Variants in EMILIN3 observed in about 807,000 individuals in gnomAD.
EMILIN3 encodes EMILIN-3.
EMILIN3 carries 38 observed loss-of-function variants against 42.8 expected under a neutral mutation model. The ratio of observed to expected loss-of-function variants is 0.89; its 90% confidence interval spans 0.69 to 1.16. EMILIN3 has a LOEUF of 1.16. Among genes scored for constraint, EMILIN3 ranks in the 50% most tolerant of loss-of-function variants. The probability of loss-of-function intolerance (pLI) is 0.00; values close to 1 mark genes in which losing one functional copy is unlikely to be tolerated. For synonymous variants in EMILIN3, 430 were observed against 440.5 expected (o/e 0.98, Z 0.30); for missense variants, 924 against 999.5 (o/e 0.92, Z 1.02).
chr20:41,365,091 G>A lies in EMILIN3; in HGVS notation c.234C>T (p.Tyr78=), dbSNP rs767674543. The change falls in exon 2 of 4, where the codon TAC becomes TAT. Residue 78 remains tyrosine (Y), a synonymous_variant. Transcript: ENST00000332312. ...TACACTGCCGGTATTCAGCCTTTACGTAGCTCTCCGCTCCCTCCTGTAGGA... is the reference window on the plus strand; with the variant it reads ...TACACTGCCGGTATTCAGCCTTTACATAGCTCTCCGCTCCCTCCTGTAGGA... ...TCILQEGAES[Y]VKAEYRQCRW... The A allele has an allele frequency of 3.6e-5, 58 of 1,613,922 alleles. No homozygotes were observed. In the Middle Eastern group the frequency reaches 4.9e-4, roughly 14 times the overall value.
chr20:41,361,515 G>C lies in EMILIN3; in HGVS notation c.2054C>G (p.Thr685Arg), dbSNP rs1301883553. The C allele has an allele frequency of 1.2e-6, 2 of 1,612,676 alleles. No individual in the cohort carries two copies. Among genetic ancestry groups the C allele is most frequent in the Non-Finnish European group, 1.7e-6 (2 of 1,179,626 alleles). The change falls in exon 4 of 4, where the codon ACA becomes AGA. Residue 685 changes from threonine (T) to arginine (R), a missense_variant. Thr to Arg is a moderately conservative substitution (Grantham distance 71). Coordinates refer to ENST00000332312, the MANE Select transcript of EMILIN3 (RefSeq NM_052846.2). ...CQDTAQKLQH[T>R]VGHFDQRVAQ... Reference sequence around the variant, plus strand: ...CACCCGCTGGTCAAAGTGTCCCACTGTGTGCTGAAGTTTCTGGGCTGTGTC... The same window carrying C: ...CACCCGCTGGTCAAAGTGTCCCACTCTGTGCTGAAGTTTCTGGGCTGTGTC...
At position 41,366,448 on chromosome 20, in the gene EMILIN3, C is replaced by A; in HGVS notation, c.167+20G>T. The A allele has an allele frequency of 8.9e-7, 1 of 1,118,198 alleles. No homozygotes were observed. The highest frequency in any genetic ancestry group is 4.2e-5 in the South Asian group (1 of 23,602). The allele number at this position is 1,118,198 out of a possible 1,614,324, so 69.3% of individuals were successfully genotyped here. Reference sequence around the variant, plus strand: ...GGGCCCATCCCTCCCTCTTCCCGCCCGCCGCCCGCCCGCGCTTACTTGTGC... The same window carrying A: ...GGGCCCATCCCTCCCTCTTCCCGCCAGCCGCCCGCCCGCGCTTACTTGTGC... On this transcript the variant is annotated intron_variant, in intron 1 of 3. Coordinates refer to ENST00000332312, the MANE Select transcript of EMILIN3 (RefSeq NM_052846.2). This position sits in a 1 kb window ranked among gnomAD's most constrained non-coding sequence, Gnocchi z 4.2.
At chr20:41,365,988 T>TCCCATGGGGTTGCTGGGGCC (rs1308317871) in intron 1 of EMILIN3, among the ~76,000 whole-genome samples, 1 of 152,072 alleles carries the variant, frequency 6.6e-6, no homozygotes, top group Non-Finnish European at 1.5e-5. Flanking sequence ...ACGCTGGGGC[T>TCCCATGGGGTTGCTGGGGCC]CCCATGGGGT....
Position 41,366,446 on chromosome 20 carries a change from C to CCCG in EMILIN3, c.167+19_167+21dup. 8.9e-7 allele frequency: 1 copy of CCCG among 1,117,668 alleles called. No individual in the cohort carries two copies. The highest frequency in any genetic ancestry group is 1.1e-6 in the Non-Finnish European group (1 of 915,344). The allele number at this position is 1,117,668 out of a possible 1,614,324, so 69.2% of individuals were successfully genotyped here. A position where few individuals can be genotyped will look rare whatever the true frequency, so the allele number is the denominator to read the frequency against. On this transcript the variant is annotated intron_variant, in intron 1 of 3. Transcript: ENST00000332312. This position sits in a 1 kb window ranked among gnomAD's most constrained non-coding sequence, Gnocchi z 4.2. Reference sequence around the variant, plus strand: ...GCGGGCCCATCCCTCCCTCTTCCCGCCCGCCGCCCGCCCGCGCTTACTTGT... The same window carrying CCCG: ...GCGGGCCCATCCCTCCCTCTTCCCGCCCGCCGCCGCCCGCCCGCGCTTACTTGT...
In EMILIN3 at chr20:41,362,482, G is replaced by T; in HGVS notation, c.1087C>A (p.Arg363Ser). Residue 363 changes from arginine (R) to serine (S), a missense_variant, in exon 4 of 4, where the codon CGC (arginine) becomes AGC (serine). Transcript: ENST00000332312. ...CTGCCCAGCTGTGACAGCTCCTGGC[G>T]CAGGGCCAGCTCCCGGCCATCAAGG... ...QSLDGRELAL[R>S]QELSQLGSQL... is the part of the protein sequence containing the mutation. 1.3e-6 allele frequency: 2 copies of T among 1,599,068 alleles called. No individual in the cohort carries two copies. The highest frequency in any genetic ancestry group is 1.7e-6 in the Non-Finnish European group (2 of 1,179,314).
rs1479438354 is a variant in EMILIN3 at position 41,366,475 on chromosome 20, GC to G, written c.159del (p.Pro54ArgfsTer14). ...CCGCCCGCCCGCGCTTACTTGTGCG[GC>G]CCCGGGCGCAGCCGCGGGCGCCATC... The part of the protein sequence containing the change: ...TTGWRPRLRP[G>X]PHKALCAYVV... On this transcript the variant is annotated frameshift_variant, in exon 1 of 4. Coordinates refer to ENST00000332312, the MANE Select transcript of EMILIN3 (RefSeq NM_052846.2). LOFTEE classifies it high-confidence loss of function. This position sits in a 1 kb window ranked among gnomAD's most constrained non-coding sequence, Gnocchi z 4.2. 1 of 1,140,490 alleles carries G rather than the reference GC, an allele frequency of 8.8e-7. No individual in the cohort carries two copies. The highest frequency in any genetic ancestry group is 1.1e-6 in the Non-Finnish European group (1 of 930,312). The allele number at this position is 1,140,490 out of a possible 1,614,324, so 70.6% of individuals were successfully genotyped here. A position where few individuals can be genotyped will look rare whatever the true frequency, so the allele number is the denominator to read the frequency against.
At chr20:41,363,535 T>C in intron 3 of EMILIN3, 103 bp downstream of exon 3, 1 of 1,182,066 alleles carries the variant, frequency 8.5e-7, no homozygotes, top group Non-Finnish European at 1.2e-6. Context: ...CCCCTCCCCA[T>C]CCATGCCGGA....
rs151232481 is a variant in EMILIN3 at position 41,363,402 on chromosome 20, A to G, written c.514+236T>C. On this transcript the variant is annotated intron_variant, in intron 3 of 3. Coordinates refer to ENST00000332312, the MANE Select transcript of EMILIN3 (RefSeq NM_052846.2). ...GTGATCCACCCGCCTCGGCCTCCCA[A>G]AGTGCTGGGATTACAGGCATGAGCC... Among the ~76,000 whole-genome samples the G allele has an allele frequency of 3.4e-3, 516 of 152,174 alleles. 4 individuals are homozygous for G. Among genetic ancestry groups the G allele is most frequent in the African/African-American group, 0.012 (492 of 41,524 alleles).
rs549772497 is a variant in EMILIN3, at chr20:41,362,306, C to T, written c.1263G>A (p.Thr421=). The T allele has an allele frequency of 1.6e-5, 26 of 1,613,388 alleles. No homozygotes were observed. The South Asian group carries it at 1.6e-4, about 10-fold the overall frequency. Residue 421 remains threonine, a synonymous_variant, in exon 4 of 4, where the codon ACG becomes ACA. Transcript: ENST00000332312. The part of the protein sequence containing the change: ...GPGAPAGDEL[T]RLSAAMLEGG... The stretch of plus-strand genomic sequence containing the variant: ...CCTCGAGCATGGCAGCAGAGAGCCT[C>T]GTAAGCTCATCCCCGGCCGGGGCAC...
At position 41,362,073 on chromosome 20, in the gene EMILIN3, G is replaced by A. The variant is rs143023076; in HGVS notation, c.1496C>T (p.Ala499Val). The change falls in exon 4 of 4, where the codon GCT becomes GTT. Residue 499 changes from alanine to valine, a missense_variant. Transcript: ENST00000332312. ...SHDSASPGRS[A>V]RPLVQTELAV... ...CAGCTCTGTCTGTACAAGGGGCCGA[G>A]CTGACCTGCCCGGAGAGGCGCTGTC... is the stretch of plus-strand genomic sequence containing the variant. The A allele has an allele frequency of 1.7e-5, 28 of 1,608,498 alleles. No homozygotes were observed. In the African/African-American group the frequency reaches 3.5e-4, roughly 20 times the overall value.
chr20:41,360,286 G>T lies in EMILIN3; in HGVS notation c.*982C>A, dbSNP rs1384550343. 2 of 152,312 alleles carry T rather than the reference G, an allele frequency of 1.3e-5. No individual in the cohort carries two copies. The highest frequency in any genetic ancestry group is 2.1e-4 in the South Asian group (1 of 4,830). The allele number at this position is 152,312 out of a possible 1,614,324, so 9.4% of individuals were successfully genotyped here. A position where few individuals can be genotyped will look rare whatever the true frequency, so the allele number is the denominator to read the frequency against. On this transcript the variant is annotated 3_prime_UTR_variant, in exon 4 of 4. Coordinates refer to ENST00000332312, the MANE Select transcript of EMILIN3 (RefSeq NM_052846.2). ...AGGGGTGTTAAAAGCAAGGCTTGGAGCCCCTTTCCTCCAGCTGGTGGCTCC... is the reference window on the plus strand; with the variant it reads ...AGGGGTGTTAAAAGCAAGGCTTGGATCCCCTTTCCTCCAGCTGGTGGCTCC...
Position 41,363,011 on chromosome 20 carries a change from C to T in EMILIN3, c.558G>A (p.Leu186=). The change falls in exon 4 of 4, where the codon CTG becomes CTA. Residue 186 remains leucine, a synonymous_variant. Transcript: ENST00000332312. The part of the protein sequence containing the change: ...PGLFGERLER[L]EGDVQRLAQT... ...GAGCCAGGCGCTGGACATCACCCTCCAGGCGTTCCAGCCGCTCACCAAACA... is the reference window on the plus strand; with the variant it reads ...GAGCCAGGCGCTGGACATCACCCTCTAGGCGTTCCAGCCGCTCACCAAACA... 1 of 1,603,626 alleles carries T rather than the reference C, an allele frequency of 6.2e-7. No individual in the cohort carries two copies. The highest frequency in any genetic ancestry group is 2.2e-5 in the East Asian group (1 of 44,572).
rs935699602 is a variant in EMILIN3 at position 41,366,813 on chromosome 20, C to T, written c.-179G>A. 3 of 228,732 alleles carry T rather than the reference C, an allele frequency of 1.3e-5. No homozygotes were observed. The highest frequency in any genetic ancestry group is 7.0e-5 in the African/African-American group (3 of 42,742). The allele number at this position is 228,732 out of a possible 1,614,324, so 14.2% of individuals were successfully genotyped here. On this transcript the variant is annotated 5_prime_UTR_variant, in exon 1 of 4. Transcript: ENST00000332312. This position sits in a 1 kb window ranked among gnomAD's most constrained non-coding sequence, Gnocchi z 4.2. ...GGCGCTTCGCGGCGGCTGCGTCCCG[C>T]GGAGTGGCCGGCGCTGCTAGCGGCT...
intron 2 of EMILIN3, among the ~76,000 whole-genome samples, chr20:41,364,589 G>A (rs531041263): frequency 1.2e-4 from 19 of 152,222 alleles, no homozygotes; most frequent in East Asian, 5.8e-4. Flanking sequence ...CTGCTGCTCC[G>A]GCTTCCTCTC....
chr20:41,365,103 T>C lies in EMILIN3; in HGVS notation c.222A>G (p.Gly74=). 1 of 1,613,958 alleles carries C rather than the reference T, an allele frequency of 6.2e-7. No homozygotes were observed. The highest frequency in any genetic ancestry group is 8.5e-7 in the Non-Finnish European group (1 of 1,179,944). ...ATTCAGCCTTTACGTAGCTCTCCGC[T>C]CCCTCCTGTAGGATGCAGGTCACAT... is the stretch of plus-strand genomic sequence containing the variant. The part of the protein sequence containing the change: ...HRNVTCILQE[G]AESYVKAEYR... Residue 74 remains glycine, a synonymous_variant, in exon 2 of 4, where the codon GGA becomes GGG. Transcript: ENST00000332312.
Position 41,361,193 on chromosome 20 carries a change from G to C in EMILIN3, c.*75C>G, listed in dbSNP as rs1445808013. On this transcript the variant is annotated 3_prime_UTR_variant, in exon 4 of 4. Transcript: ENST00000332312. ...TAGCCAGGGAAGGCTGGAAGGCGCT[G>C]CTGGATAAGGCTGGGCTCTGGGGTG... The C allele has an allele frequency of 2.1e-6, 3 of 1,403,508 alleles. No individual in the cohort carries two copies. Among genetic ancestry groups the C allele is most frequent in the Non-Finnish European group, 2.9e-6 (3 of 1,049,088 alleles). 86.9% of individuals were successfully genotyped at this position (1,403,508 alleles called of 1,614,324 possible).
Position 41,361,900 on chromosome 20 carries a change from G to C in EMILIN3, c.1669C>G (p.Leu557Val). ...ACAGTGCCATTGAGCTGCTGGAGCA[G>C]TGCTGCGTGGCTGGCCACCTGGCGT... is the stretch of plus-strand genomic sequence containing the variant. ...LLRQVASHAA[L>V]LQQLNGTVAE... The change falls in exon 4 of 4, where the codon CTG becomes GTG. Residue 557 changes from leucine to valine, a missense_variant. Transcript: ENST00000332312. The C allele has an allele frequency of 6.2e-7, 1 of 1,613,516 alleles. No individual in the cohort carries two copies. The highest frequency in any genetic ancestry group is 8.5e-7 in the Non-Finnish European group (1 of 1,180,036).
At chr20:41,363,217 T>C (rs1165350422) in intron 3 of EMILIN3, among the ~76,000 whole-genome samples, 163 bp from the exon 4 acceptor site, 2 of 151,788 alleles carry the variant, frequency 1.3e-5, no homozygotes, top group Admixed American at 6.6e-5. Flanking sequence ...CTTGGCTCAC[T>C]GCAAGCTCCG....
rs772294020 is a variant in EMILIN3, at chr20:41,362,437, C to T, written c.1132G>A (p.Val378Met). Residue 378 changes from valine (V) to methionine (M), a missense_variant, in exon 4 of 4, where the codon GTG becomes ATG. Physicochemically the swap from Val to Met is conservative, Grantham distance 21. Coordinates refer to ENST00000332312, the MANE Select transcript of EMILIN3 (RefSeq NM_052846.2). ...QLGSQLQGLSVSGRGSCCGQL... is the reference protein window; with the variant it reads ...QLGSQLQGLSMSGRGSCCGQL... ...CCACAGCAGCTGCCCCTGCCAGACA[C>T]GCTCAGGCCCTGCAGCTGGCTGCCC... is the stretch of plus-strand genomic sequence containing the variant. 24 of 1,600,454 alleles carry T rather than the reference C, an allele frequency of 1.5e-5. No individual in the cohort carries two copies. The highest frequency in any genetic ancestry group is 2.2e-5 in the East Asian group (1 of 44,866).
Sources: gnomAD v4.1 joint callset for allele counts (sites outside exome capture counted in the v4.1 genomes callset) on GRCh38, gnomAD v4.1.1 for gene constraint, Gnocchi (gnomAD v3.1) non-coding constraint, MANE v1.5 for transcripts, NCBI Gene and HGNC (gene_info 2026-07-23, HGNC 2026-07-21) for gene names.